Variants in CYP3A5 observed in about 807,000 individuals in gnomAD.
The protein encoded by CYP3A5 is cytochrome P450 3A5.
CYP3A5 carries 51 observed loss-of-function variants against 55.9 expected under a neutral mutation model. The observed-to-expected ratio is 0.91, with a 90% CI of 0.73 to 1.15. The LOEUF is 1.15. Ranked by LOEUF, CYP3A5 falls within the 50% of genes most tolerant of loss-of-function variation. The pLI is 0.00. For missense variants in CYP3A5, 533 were observed against 596.6 expected (o/e 0.89, Z 1.11); for synonymous variants, 196 against 213.9 (o/e 0.92, Z 0.73).
chr7:99,668,868 G>A (rs1811299189), intron 4 of CYP3A5, among the ~76,000 whole-genome samples: 1 of 152,182 alleles, frequency 6.6e-6, no homozygotes, highest in South Asian at 2.1e-4. Context: ...AATTGACACT[G>A]TCAGGTATTA....
rs998876191 is a variant in CYP3A5 at position 99,677,205 on chromosome 7, C to A, written c.72-997G>T. On this transcript the variant is annotated intron_variant, in intron 1 of 12. Coordinates refer to ENST00000222982, the MANE Select transcript of CYP3A5 (RefSeq NM_000777.5). ...ACTGATGGTTCTGGATCCTTGCAGA[C>A]CTTCCCCCTCCGGTGTGACTGAGGG... The A allele has an allele frequency of 4.1e-6, 4 of 985,282 alleles. No individual in the cohort carries two copies. The African/African-American group carries it at 5.2e-5, about 13-fold the overall frequency. 61.0% of individuals were successfully genotyped at this position (985,282 alleles called of 1,614,324 possible).
At chr7:99,679,256 G>T (rs1312470244) in intron 1 of CYP3A5, among the ~76,000 whole-genome samples, 5 of 152,164 alleles carry the variant, frequency 3.3e-5, no homozygotes, top group African/African-American at 1.2e-4. Flanking sequence ...ACAGGAAAGA[G>T]GGAAGAGCCA....
At chr7:99,663,797 C>T (rs1386616750) in intron 8 of CYP3A5, 171 bp downstream of exon 8, 1 of 1,318,406 alleles carries the variant, frequency 7.6e-7, no homozygotes, top group Non-Finnish European at 9.6e-7. Context: ...CTGACTCATT[C>T]TCATCTCCTT....
At chr7:99,671,856 A>T (rs976626784) in intron 4 of CYP3A5, 26 of 702,838 alleles carry the variant, frequency 3.7e-5, no homozygotes, top group Non-Finnish European at 6.0e-5. Context: ...CTGCATCTTG[A>T]TGGTGCTGGT....
intron 8 of CYP3A5, chr7:99,663,701 A>G (rs1411506523): frequency 4.7e-6 from 5 of 1,066,876 alleles, no homozygotes; most frequent in Non-Finnish European, 5.7e-6. Flanking sequence ...TAAAGGGAAG[A>G]GAAGTGGTAA....
At chr7:99,663,144 T>A in intron 8 of CYP3A5, 2 of 1,193,666 alleles carry the variant, frequency 1.7e-6, no homozygotes, top group Non-Finnish European at 2.1e-6. Context: ...ATCTTCTCTG[T>A]CTTTTGGATA....
rs1809118310 is a variant in CYP3A5 at position 99,650,934 on chromosome 7, C to T, written c.1254-702G>A. 2.0e-5 allele frequency among the ~76,000 whole-genome samples: 3 copies of T among 152,116 alleles called. No homozygotes were observed. In the South Asian group the frequency reaches 6.2e-4, roughly 32 times the overall value. ...AGCTATAAATTCTTTGAAGATTGAC[C>T]CATGTTTTATTCAAATTTGATTTCT... is the stretch of plus-strand genomic sequence containing the variant. On this transcript the variant is annotated intron_variant, in intron 11 of 12. Transcript: ENST00000222982.
Position 99,652,782 on chromosome 7 carries a change from G to A in CYP3A5, c.1027-3C>T. The A allele has an allele frequency of 6.2e-7, 1 of 1,610,130 alleles. No homozygotes were observed. Among genetic ancestry groups the A allele is most frequent in the East Asian group, 2.2e-5 (1 of 44,826 alleles). On this transcript the variant is annotated splice_polypyrimidine_tract_variant and splice_region_variant and intron_variant, in intron 10 of 12. Coordinates refer to ENST00000222982, the MANE Select transcript of CYP3A5 (RefSeq NM_000777.5). ...ACGGCATCATAGGTAGGTGGTGCCT[G>A]GAAGGAAAGAAACAGAATTGGATAA...
intron 9 of CYP3A5, among the ~76,000 whole-genome samples, chr7:99,661,101 A>C (rs1044909339): frequency 6.6e-6 from 1 of 152,200 alleles, no homozygotes; most frequent in Non-Finnish European, 1.5e-5. Flanking sequence ...TAGCTTGACA[A>C]ACTTTGAGAG....
Position 99,652,672 on chromosome 7 carries a change from C to A in CYP3A5, c.1134G>T (p.Lys378Asn). 6.2e-7 allele frequency: 1 copy of A among 1,614,126 alleles called. No individual in the cohort carries two copies. The highest frequency in any genetic ancestry group is 8.5e-7 in the Non-Finnish European group (1 of 1,180,002). Residue 378 changes from lysine to asparagine, a missense_variant, in exon 11 of 13, where the codon AAG becomes AAT. Transcript: ENST00000222982. ...PVAIRLERTC[K>N]KDVEINGVFI... Reference sequence around the variant, plus strand: ...ATACCCCATTGATTTCAACATCTTTCTTGCAAGTCCTCTCAAGTCTAATAG... The same window carrying A: ...ATACCCCATTGATTTCAACATCTTTATTGCAAGTCCTCTCAAGTCTAATAG...
intron 10 of CYP3A5, among the ~76,000 whole-genome samples, chr7:99,654,823 T>C (rs1023174208): frequency 6.6e-6 from 1 of 152,150 alleles, no homozygotes; most frequent in Non-Finnish European, 1.5e-5. Context: ...TTGCATTTCT[T>C]TGATGGCCAG....
intron 12 of CYP3A5, 25 bp downstream of exon 12, chr7:99,650,048 T>C (rs183974329): frequency 6.2e-7 from 1 of 1,612,634 alleles, no homozygotes; most frequent in African/African-American, 1.3e-5. Context: ...AAATTCTTAA[T>C]AAAACATACA....
chr7:99,650,313 CAA>C, intron 11 of CYP3A5, 81 bp from the exon 12 acceptor site: 6 of 1,349,824 alleles, frequency 4.4e-6, no homozygotes, highest in Non-Finnish European at 6.3e-6. Context: ...TACTTAAGAA[CAA>C]CCCCCCTCCA....
intron 1 of CYP3A5, 24 bp from the exon 2 acceptor site, chr7:99,676,232 G>T (rs1461487540): frequency 6.2e-7 from 1 of 1,612,698 alleles, no homozygotes; most frequent in Non-Finnish European, 8.5e-7. Context: ...CAGAAATCAG[G>T]TCACAGGGAT....
chr7:99,661,621 C>G (rs1162453998), intron 9 of CYP3A5, among the ~76,000 whole-genome samples: 2 of 152,192 alleles, frequency 1.3e-5, no homozygotes, highest in Non-Finnish European at 1.5e-5. Flanking sequence ...ACCTGGAGCA[C>G]AGAAATAAAT....
intron 10 of CYP3A5, among the ~76,000 whole-genome samples, chr7:99,657,974 T>C (rs1216079442): frequency 2.6e-5 from 4 of 152,204 alleles, no homozygotes; most frequent in Non-Finnish European, 1.5e-5. Context: ...AGCCTATGTG[T>C]TACTTTGCAC....
At chr7:99,668,783 T>G (rs1413228813) in intron 4 of CYP3A5, among the ~76,000 whole-genome samples, 1 of 152,236 alleles carries the variant, frequency 6.6e-6, no homozygotes. Context: ...CTGTCGCCAT[T>G]TGTACGCATG....
In CYP3A5 at chr7:99,650,209, A is replaced by C; in HGVS notation, c.1277T>G (p.Ile426Arg). 2.5e-6 allele frequency: 4 copies of C among 1,613,906 alleles called. No homozygotes were observed. Among genetic ancestry groups the C allele is most frequent in the Non-Finnish European group, 3.4e-6 (4 of 1,179,878 alleles). ...PERFSKKKDS[I>R]DPYIYTPFGT... ...AAAGGGTGTGTATATGTAAGGATCT[A>C]TGCTGTCCTTCTTCTTACTGAACCT... Residue 426 changes from isoleucine (I) to arginine (R), a missense_variant, in exon 12 of 13, where the codon ATA (isoleucine) becomes AGA (arginine). Physicochemically the swap from Ile to Arg is moderately conservative, Grantham distance 97. Transcript: ENST00000222982.
intron 1 of CYP3A5, among the ~76,000 whole-genome samples, chr7:99,678,875 G>A (rs1812547273): frequency 6.6e-6 from 1 of 152,194 alleles, no homozygotes; most frequent in Non-Finnish European, 1.5e-5. Context: ...GACAGGTGGA[G>A]CCTCCACTAC....
Sources: allele counts gnomAD v4.1 joint callset (sites outside exome capture counted in the v4.1 genomes callset), GRCh38; gene constraint gnomAD v4.1.1; transcripts MANE v1.5; gene names NCBI Gene and HGNC (gene_info 2026-07-23, HGNC 2026-07-21).